The following AGMO variants were observed in gnomAD, a reference collection of about 807,000 sequenced individuals.
AGMO encodes glyceryl-ether monooxygenase.
A neutral mutation model predicts 60.2 loss-of-function variants in AGMO; 75 were observed. The ratio of observed to expected loss-of-function variants is 1.25; its 90% CI spans 1.03 to 1.51. AGMO has a LOEUF of 1.51. Among genes scored for constraint, AGMO ranks in the 40% most tolerant of loss-of-function variants. The pLI is 0.00. For missense variants in AGMO, 763 were observed against 525.5 expected, an observed-to-expected ratio of 1.45 and a Z score of -4.42; for synonymous variants, 261 against 177.1, an observed-to-expected ratio of 1.47 and a Z score of -3.76.
At position 15,208,428 on chromosome 7, in the gene AGMO, T is replaced by G. The variant is rs886098866; in HGVS notation, c.1264-7069A>C. ...ACCATGGAACCTCATGTTCTTTACTTTTTATGGATATGAGAAGAAAATTTT... is the reference window on the plus strand; with the variant it reads ...ACCATGGAACCTCATGTTCTTTACTGTTTATGGATATGAGAAGAAAATTTT... On this transcript the variant is annotated intron_variant, in intron 12 of 12. Transcript: ENST00000342526. Among the ~76,000 whole-genome samples, 3 of 152,186 alleles carry G rather than the reference T, an allele frequency of 2.0e-5. No homozygotes were observed. The South Asian group carries it at 6.2e-4, about 32-fold the overall frequency.
At chr7:15,475,129 C>T (rs144836762) in intron 3 of AGMO, among the ~76,000 whole-genome samples, 2,705 of 152,092 alleles carry the variant, frequency 0.018, 84 homozygotes, top group African/African-American at 0.062. Flanking sequence ...TGGAAGACAG[C>T]GTGGCAATTC....
At chr7:15,306,713 C>G (rs553099187) in intron 12 of AGMO, 2 of 314,784 alleles carry the variant, frequency 6.4e-6, no homozygotes, top group South Asian at 2.5e-5. Flanking sequence ...TAAGTTTTCA[C>G]CTACTATTTT....
Position 15,390,703 on chromosome 7 carries a change from G to C in AGMO, c.790C>G (p.Pro264Ala), listed in dbSNP as rs144104404. The C allele has an allele frequency of 2.5e-6, 4 of 1,609,696 alleles. No individual in the cohort carries two copies. The highest frequency in any genetic ancestry group is 3.4e-6 in the Non-Finnish European group (4 of 1,177,280). Residue 264 changes from proline to alanine, a missense_variant, in exon 8 of 13, where the codon CCC becomes GCC. By Grantham distance (27) the Pro-to-Ala change is conservative (BLOSUM62 -1). Coordinates refer to ENST00000342526, the MANE Select transcript of AGMO (RefSeq NM_001004320.2). ...NEKVVYGLTH[P>A]INTFEPIKVQ... ...TTGATTGGTTCAAATGTATTAATGG[G>C]ATGTGTTAAGCCATATACAACTTTT...
intron 12 of AGMO, among the ~76,000 whole-genome samples, chr7:15,273,309 G>T (rs1783673302): frequency 6.6e-6 from 1 of 152,146 alleles, no homozygotes; most frequent in Admixed American, 6.6e-5. Flanking sequence ...TCTGCATAAG[G>T]TGTAAGGAAG....
intron 3 of AGMO, among the ~76,000 whole-genome samples, chr7:15,506,126 T>C (rs1163131784): frequency 1.3e-5 from 2 of 152,060 alleles, no homozygotes; most frequent in Non-Finnish European, 2.9e-5. Context: ...AATTATTCAA[T>C]TTACTTGGAA....
chr7:15,363,454 T>G (rs2128560245), intron 12 of AGMO, among the ~76,000 whole-genome samples: 1 of 152,312 alleles, frequency 6.6e-6, no homozygotes, highest in South Asian at 2.1e-4. Flanking sequence ...ATGGATGTTA[T>G]ACTTCCTCCT....
intron 12 of AGMO, among the ~76,000 whole-genome samples, chr7:15,259,576 CT>C (rs1435392145): frequency 6.6e-6 from 1 of 151,920 alleles, no homozygotes; most frequent in Non-Finnish European, 1.5e-5. Flanking sequence ...AAACTCATTG[CT>C]AAAAGATCAT....
At chr7:15,125,166 T>G in the AGMO span, among the ~76,000 whole-genome samples, 7 of 152,156 alleles carry the variant, frequency 4.6e-5, no homozygotes, top group African/African-American at 7.2e-5. Context: ...TTATAACCCA[T>G]GCAAACAGTA....
At chr7:15,342,510 G>T (rs1781887805) in intron 12 of AGMO, among the ~76,000 whole-genome samples, 1 of 151,680 alleles carries the variant, frequency 6.6e-6, no homozygotes, top group Non-Finnish European at 1.5e-5. Flanking sequence ...TCAAAACCAG[G>T]TTTACTAGTA....
chr7:15,560,482 A>G (rs1562574642), intron 1 of AGMO, among the ~76,000 whole-genome samples: 1 of 152,144 alleles, frequency 6.6e-6, no homozygotes, highest in Non-Finnish European at 1.5e-5. Context: ...AAATTCTATC[A>G]TCCAATTTGA....
Position 15,201,201 on chromosome 7 carries a change from CATAAA to C in AGMO, c.*79_*83del, listed in dbSNP as rs1321436580. ...GAAGAAATAGTTCATATAAGCATTA[CATAAA>C]ATAATTACATTTTAATATGCAGTCA... is the stretch of plus-strand genomic sequence containing the variant. On this transcript the variant is annotated 3_prime_UTR_variant, in exon 13 of 13. Coordinates refer to ENST00000342526, the MANE Select transcript of AGMO (RefSeq NM_001004320.2). The C allele has an allele frequency of 1.2e-6, 1 of 828,680 alleles. No homozygotes were observed. Among genetic ancestry groups the C allele is most frequent in the African/African-American group, 1.8e-5 (1 of 56,962 alleles). The allele number at this position is 828,680 out of a possible 1,614,324, so 51.3% of individuals were successfully genotyped here.
At chr7:15,335,491 G>A (rs1781629394) in intron 12 of AGMO, among the ~76,000 whole-genome samples, 1 of 152,048 alleles carries the variant, frequency 6.6e-6, no homozygotes, top group Admixed American at 6.6e-5. Flanking sequence ...TGGCTTCAGT[G>A]ATTTTATGGT....
At chr7:15,190,985 A>C in the AGMO span, among the ~76,000 whole-genome samples, 1 of 152,194 alleles carries the variant, frequency 6.6e-6, no homozygotes, top group African/African-American at 2.4e-5. Flanking sequence ...GTCTAAACAC[A>C]ATTCTTACCT....
At chr7:15,555,261 G>T (rs1785095758) in intron 2 of AGMO, among the ~76,000 whole-genome samples, 1 of 123,546 alleles carries the variant, frequency 8.1e-6, no homozygotes, top group African/African-American at 3.1e-5. Flanking sequence ...ATAAATTAAT[G>T]TATTGGATCA....
intron 3 of AGMO, among the ~76,000 whole-genome samples, chr7:15,483,401 C>T (rs181192599): frequency 0.011 from 1,293 of 119,700 alleles, 23 homozygotes; most frequent in African/African-American, 0.031. Flanking sequence ...CCCGTCTCTA[C>T]TAAAAATACA....
chr7:15,281,198 G>C (rs1262288638), intron 12 of AGMO, among the ~76,000 whole-genome samples: 1 of 152,106 alleles, frequency 6.6e-6, no homozygotes, highest in Non-Finnish European at 1.5e-5. Flanking sequence ...TGCAGTGCTA[G>C]GCTCAGCAAG....
chr7:15,305,233 A>G (rs1780577425), intron 12 of AGMO, among the ~76,000 whole-genome samples: 1 of 145,678 alleles, frequency 6.9e-6, no homozygotes, highest in African/African-American at 2.8e-5. Flanking sequence ...TTGTCAGGCA[A>G]TCTGGTTAAA....
At chr7:15,251,616 A>G (rs1426657884) in intron 12 of AGMO, among the ~76,000 whole-genome samples, 1 of 152,220 alleles carries the variant, frequency 6.6e-6, no homozygotes, top group South Asian at 2.1e-4. Context: ...TTTGGTCTCT[A>G]CTAAGCATTT....
intron 12 of AGMO, among the ~76,000 whole-genome samples, chr7:15,332,783 T>C (rs1344456437): frequency 1.3e-5 from 2 of 151,772 alleles, no homozygotes; most frequent in South Asian, 2.1e-4. Context: ...TGGCTTATAT[T>C]TATTAATAAA....
Sources: gnomAD v4.1 joint callset for allele counts (sites outside exome capture counted in the v4.1 genomes callset) on GRCh38, gnomAD v4.1.1 for gene constraint, MANE v1.5 for transcripts, NCBI Gene and HGNC (gene_info 2026-07-23, HGNC 2026-07-21) for gene names.